UNC79: variants seen among roughly 807,000 people sequenced by gnomAD.
UNC79 encodes protein unc-79 homolog.
In UNC79, 37 loss-of-function variants were observed where a neutral mutation model predicts 283.1. That is an observed-to-expected ratio of 0.13 (90% CI 0.10 to 0.17). UNC79 has a LOEUF of 0.17. UNC79 is among the 10% of genes least tolerant of loss of function. UNC79 has a pLI of 1.00. For synonymous variants in UNC79, 1,107 were observed against 1,200.2 expected (o/e 0.92, Z 1.61); for missense variants, 2,272 against 3,211.1 (o/e 0.71, Z 7.07).
chr14:93,513,126 CTT>C (rs1436993153), intron 7 of UNC79, among the ~76,000 whole-genome samples: 1 of 152,004 alleles, frequency 6.6e-6, no homozygotes, highest in Non-Finnish European at 1.5e-5. Context: ...GATCTCTAGT[CTT>C]TTAAAACAAA....
chr14:93,454,216 A>T (rs978654978), intron 1 of UNC79, among the ~76,000 whole-genome samples: 3 of 151,838 alleles, frequency 2.0e-5, no homozygotes, highest in Non-Finnish European at 4.4e-5. Context: ...TATTAAAAAA[A>T]TTTTATTTTG....
intron 25 of UNC79, among the ~76,000 whole-genome samples, chr14:93,602,521 A>C (rs2142063102): frequency 6.6e-6 from 1 of 152,284 alleles, no homozygotes; most frequent in South Asian, 2.1e-4. Context: ...AGTATAGTTT[A>C]AACTCCAGGA....
chr14:93,632,431 G>T (rs998992616), intron 31 of UNC79, among the ~76,000 whole-genome samples: 1 of 152,178 alleles, frequency 6.6e-6, no homozygotes, highest in African/African-American at 2.4e-5. Context: ...TGGGTGTGGT[G>T]GCTCACGCCT....
chr14:93,595,000 A>G (rs1290567088), intron 23 of UNC79, among the ~76,000 whole-genome samples: 1 of 151,790 alleles, frequency 6.6e-6, no homozygotes, highest in East Asian at 1.9e-4. Flanking sequence ...TATATATATG[A>G]CAGCACATCA....
chr14:93,663,260 A>G (rs910702126), intron 40 of UNC79, among the ~76,000 whole-genome samples: 1 of 152,146 alleles, frequency 6.6e-6, no homozygotes, highest in Non-Finnish European at 1.5e-5. Context: ...TTATCTGTAG[A>G]ACCCCTGGCC....
intron 1 of UNC79, among the ~76,000 whole-genome samples, chr14:93,338,340 G>C (rs1282284570): frequency 6.6e-6 from 1 of 152,074 alleles, no homozygotes; most frequent in Non-Finnish European, 1.5e-5. Context: ...CTCTCCCTTT[G>C]CCTTCCACCA....
intron 40 of UNC79, among the ~76,000 whole-genome samples, chr14:93,668,058 G>A (rs968328616): frequency 6.6e-5 from 10 of 152,128 alleles, no homozygotes; most frequent in African/African-American, 2.4e-4. Context: ...ATATTTAATG[G>A]TGAAATGCTA....
At chr14:93,600,017 A>G (rs186802415) in intron 24 of UNC79, among the ~76,000 whole-genome samples, 12 of 152,182 alleles carry the variant, frequency 7.9e-5, no homozygotes, top group South Asian at 4.2e-4. Context: ...CGGCTAACAC[A>G]GTGAAACCTC....
chr14:93,633,046 A>G (rs1406130547), intron 31 of UNC79, among the ~76,000 whole-genome samples: 3 of 152,170 alleles, frequency 2.0e-5, no homozygotes, highest in East Asian at 3.9e-4. Context: ...AAATTATTCA[A>G]TCATCAGAGG....
chr14:93,508,565 T>C (rs923031762), intron 7 of UNC79, among the ~76,000 whole-genome samples: 1 of 152,184 alleles, frequency 6.6e-6, no homozygotes, highest in African/African-American at 2.4e-5. Flanking sequence ...CTCTCAGTGG[T>C]GCTCTGTATT....
chr14:93,364,241 G>C (rs1018668009), intron 1 of UNC79, among the ~76,000 whole-genome samples: 1 of 152,062 alleles, frequency 6.6e-6, no homozygotes, highest in Admixed American at 6.5e-5. Context: ...AGACCTTCTT[G>C]TGCCCTCTTC....
intron 39 of UNC79, among the ~76,000 whole-genome samples, chr14:93,660,204 A>G (rs559876088): frequency 1.3e-5 from 2 of 152,274 alleles, no homozygotes; most frequent in East Asian, 3.9e-4. Context: ...CTGTGCTTTC[A>G]TAGACTCATG....
At chr14:93,679,661 T>C (rs1045038487) in intron 41 of UNC79, among the ~76,000 whole-genome samples, 6 of 152,200 alleles carry the variant, frequency 3.9e-5, no homozygotes, top group Admixed American at 3.9e-4. Context: ...AATGGGGTTA[T>C]TAATATTAGT....
intron 4 of UNC79, among the ~76,000 whole-genome samples, chr14:93,479,908 G>A (rs548697631): frequency 1.4e-4 from 21 of 152,294 alleles, no homozygotes; most frequent in African/African-American, 4.3e-4. Context: ...GCTGGGAGGC[G>A]ATGGTGGGAT....
chr14:93,613,616 G>A lies in UNC79; in HGVS notation c.4041+533G>A, dbSNP rs1024387201. Among the ~76,000 whole-genome samples the A allele has an allele frequency of 7.2e-5, 11 of 152,014 alleles. No homozygotes were observed. In the East Asian group the frequency reaches 1.2e-3, roughly 16 times the overall value. On this transcript the variant is annotated intron_variant, in intron 27 of 48. Coordinates refer to ENST00000555664, the Ensembl canonical transcript of UNC79. The stretch of plus-strand genomic sequence containing the variant: ...TTTTTAGTAGAGATGGGGTTTCATC[G>A]TGTTAGCCAGGATGGTCTTGATCTC...
intron 2 of UNC79, 140 bp downstream of exon 2, chr14:93,467,931 G>A (rs1413282544): frequency 2.7e-6 from 3 of 1,114,870 alleles, no homozygotes; most frequent in Non-Finnish European, 3.5e-6. Context: ...CTGTGCTCAA[G>A]TTCTCTGGGT....
At chr14:93,553,717 TCA>T (rs751866045) in intron 14 of UNC79, among the ~76,000 whole-genome samples, 59 of 152,202 alleles carry the variant, frequency 3.9e-4, no homozygotes, top group Admixed American at 9.2e-4. Flanking sequence ...TACATATTAA[TCA>T]CACATTTATG....
At chr14:93,507,544 A>G (rs766627830) in intron 7 of UNC79, among the ~76,000 whole-genome samples, 8 of 152,130 alleles carry the variant, frequency 5.3e-5, no homozygotes, top group Non-Finnish European at 8.8e-5. Context: ...TCTTTTACCA[A>G]TTATTGATTG....
chr14:93,348,283 T>G (rs985549675), intron 1 of UNC79: 12 of 570,846 alleles, frequency 2.1e-5, no homozygotes, highest in African/African-American at 1.9e-4. Flanking sequence ...GTACTGTGCA[T>G]TATATAGATG....
Sources: allele counts gnomAD v4.1 joint callset (sites outside exome capture counted in the v4.1 genomes callset), GRCh38; gene constraint gnomAD v4.1.1; transcripts MANE v1.5; gene names NCBI Gene and HGNC (gene_info 2026-07-23, HGNC 2026-07-21).